The following SEC24D variants were observed in gnomAD, a reference collection of about 807,000 sequenced individuals.
The protein encoded by SEC24D is SEC24 homolog D, COPII component.
SEC24D carries 69 observed loss-of-function variants against 116.9 expected under a neutral mutation model. That is an observed-to-expected ratio of 0.59 (90% CI 0.49 to 0.72). The LOEUF (loss-of-function observed/expected upper bound fraction) is 0.72, where lower values mean the gene tolerates loss of function less well. Among genes scored for constraint, SEC24D ranks in the 30% least tolerant of loss-of-function variants. The pLI is 0.00. For synonymous variants in SEC24D, 405 were observed against 442.8 expected, an observed-to-expected ratio of 0.91 and a Z score of 1.07; for missense variants, 1,131 against 1,264.1, an observed-to-expected ratio of 0.89 and a Z score of 1.60.
intron 1 of SEC24D, among the ~76,000 whole-genome samples, chr4:118,834,054 A>G (rs1162876360): frequency 6.6e-6 from 1 of 152,190 alleles, no homozygotes; most frequent in Non-Finnish European, 1.5e-5. Flanking sequence ...TGTTCCTATG[A>G]TTTTGTGCTT....
chr4:118,808,485 A>G (rs975962183), intron 6 of SEC24D, among the ~76,000 whole-genome samples: 2 of 152,246 alleles, frequency 1.3e-5, no homozygotes, highest in Non-Finnish European at 2.9e-5. Context: ...ATCAGTAGTA[A>G]TTACATTTCT....
intron 8 of SEC24D, among the ~76,000 whole-genome samples, chr4:118,792,552 ATTC>A (rs1439063053): frequency 6.6e-6 from 1 of 152,236 alleles, no homozygotes; most frequent in Non-Finnish European, 1.5e-5. Flanking sequence ...ACTAAGAAAA[ATTC>A]TTCTGCCTTG....
chr4:118,830,656 T>A (rs561334718), intron 2 of SEC24D, among the ~76,000 whole-genome samples: 228 of 151,836 alleles, frequency 1.5e-3, no homozygotes, highest in African/African-American at 2.1e-3. Flanking sequence ...TTTTTTTTTT[T>A]AAAAACAGCC....
At chr4:118,741,548 T>G (rs1726223945) in intron 15 of SEC24D, among the ~76,000 whole-genome samples, 1 of 152,140 alleles carries the variant, frequency 6.6e-6, no homozygotes. Flanking sequence ...TAAGCAACAT[T>G]TATATAATAT....
chr4:118,781,852 C>G (rs1270098778), intron 8 of SEC24D, among the ~76,000 whole-genome samples: 2 of 152,150 alleles, frequency 1.3e-5, no homozygotes, highest in Non-Finnish European at 2.9e-5. Context: ...ATCACTGATA[C>G]CCTTTCTTCC....
At chr4:118,823,662 G>C (rs1730488244) in intron 3 of SEC24D, among the ~76,000 whole-genome samples, 1 of 152,226 alleles carries the variant, frequency 6.6e-6, no homozygotes, top group Non-Finnish European at 1.5e-5. Flanking sequence ...TAACAGGGAA[G>C]GTGTGATACT....
rs1180014287 is a variant in SEC24D at position 118,743,995 on chromosome 4, T to C, written c.1988A>G (p.Asn663Ser). 1.9e-6 allele frequency: 3 copies of C among 1,595,020 alleles called. No homozygotes were observed. In the African/African-American group the frequency reaches 4.1e-5, roughly 22 times the overall value. ...CAAATTGCTGGCATTTACCTGGAAA[T>C]TGTTGTATTTGTAAAGGGTTCCTCC... ...LTGGTLYKYNNFQMHLDRQQF... is the reference protein window; with the variant it reads ...LTGGTLYKYNSFQMHLDRQQF... Residue 663 changes from asparagine (N) to serine (S), a missense_variant, in exon 15 of 23, where the codon AAT (asparagine) becomes AGT (serine). Coordinates refer to ENST00000280551, the MANE Select transcript of SEC24D (RefSeq NM_014822.4).
At chr4:118,757,329 A>G (rs1418039449) in intron 11 of SEC24D, among the ~76,000 whole-genome samples, 1 of 152,228 alleles carries the variant, frequency 6.6e-6, no homozygotes, top group East Asian at 1.9e-4. Flanking sequence ...CATCTCTGCC[A>G]TAAGACAACA....
intron 17 of SEC24D, 117 bp from the exon 18 acceptor site, chr4:118,739,404 AT>A: frequency 1.1e-6 from 1 of 870,706 alleles, no homozygotes; most frequent in Non-Finnish European, 1.7e-6. Context: ...ACCTCTAACT[AT>A]TTTTCCACAG....
At chr4:118,741,901 A>T (rs1419904958) in intron 15 of SEC24D, among the ~76,000 whole-genome samples, 1 of 152,240 alleles carries the variant, frequency 6.6e-6, no homozygotes, top group Non-Finnish European at 1.5e-5. Context: ...ATTGTTGAAG[A>T]TAAGAAAGAA....
At chr4:118,806,611 G>A (rs1729689620) in intron 6 of SEC24D, among the ~76,000 whole-genome samples, 3 of 151,816 alleles carry the variant, frequency 2.0e-5, no homozygotes, top group Non-Finnish European at 4.4e-5. Context: ...GGTGTTACAG[G>A]TGTGAGCCAC....
In SEC24D at chr4:118,731,464, C is replaced by T. The variant is rs550825173; in HGVS notation, c.2720G>A (p.Arg907His). The T allele has an allele frequency of 1.5e-5, 25 of 1,614,104 alleles. No individual in the cohort carries two copies. The highest frequency in any genetic ancestry group is 4.5e-5 in the East Asian group (2 of 44,866). Reference sequence around the variant, plus strand: ...TTCTGAAAGACGGGACTCAGAGCAACGAACGGCAGCAGGTAACATTGTACT... The same window carrying T: ...TTCTGAAAGACGGGACTCAGAGCAATGAACGGCAGCAGGTAACATTGTACT... ...VKSTMLPAAV[R>H]CSESRLSEEG... The change falls in exon 21 of 23, where the codon CGT (arginine) becomes CAT (histidine). Residue 907 changes from arginine to histidine, a missense_variant. Physicochemically the swap from Arg to His is conservative, Grantham distance 29 (BLOSUM62 0). Transcript: ENST00000280551.
In SEC24D at chr4:118,738,442, T is replaced by C; in HGVS notation, c.2378-63A>G. The C allele has an allele frequency of 2.7e-6, 3 of 1,117,378 alleles. No homozygotes were observed. The South Asian group carries it at 3.8e-5, about 14-fold the overall frequency. 69.2% of individuals were successfully genotyped at this position (1,117,378 alleles called of 1,614,324 possible). On this transcript the variant is annotated intron_variant, in intron 18 of 22. Coordinates refer to ENST00000280551, the MANE Select transcript of SEC24D (RefSeq NM_014822.4). ...CTCAGACACTGATCTCTTCAAATAA[T>C]CAAACAAAAAAGAACAAGTTGCTAT... is the stretch of plus-strand genomic sequence containing the variant.
At chr4:118,777,092 A>ATTAT (rs70944813) in intron 8 of SEC24D, among the ~76,000 whole-genome samples, 6,576 of 148,586 alleles carry the variant, frequency 0.044, 170 homozygotes, top group Middle Eastern at 0.069. Flanking sequence ...GAAGGTCTGA[A>ATTAT]TTATTTATTT....
chr4:118,777,739 C>T (rs1404768231), intron 8 of SEC24D, among the ~76,000 whole-genome samples: 11 of 152,134 alleles, frequency 7.2e-5, no homozygotes, highest in Admixed American at 5.9e-4. Context: ...AGTGTAAAAG[C>T]ATTCCTATTT....
At chr4:118,815,823 A>T in intron 4 of SEC24D, 97 bp from the exon 5 acceptor site, 1 of 1,340,686 alleles carries the variant, frequency 7.5e-7, no homozygotes, top group Non-Finnish European at 1.0e-6. Context: ...TTCCTGACAT[A>T]AAGCAAGAGG....
At chr4:118,764,366 C>G (rs1727534406) in intron 10 of SEC24D, 1 of 155,170 alleles carries the variant, frequency 6.4e-6, no homozygotes, top group African/African-American at 2.4e-5. Context: ...AGAGTCCAAA[C>G]CATCGTGGTA....
chr4:118,725,862 A>G (rs1245195015), intron 22 of SEC24D, among the ~76,000 whole-genome samples: 1 of 152,190 alleles, frequency 6.6e-6, no homozygotes, highest in African/African-American at 2.4e-5. Context: ...GCCTGTCTTG[A>G]CACAGTGATG....
At chr4:118,767,204 G>A (rs1243332052) in intron 9 of SEC24D, among the ~76,000 whole-genome samples, 4 of 152,190 alleles carry the variant, frequency 2.6e-5, no homozygotes, top group African/African-American at 7.2e-5. Context: ...GTGTGTGTGC[G>A]AGATAAGGTG....
Sources: allele counts gnomAD v4.1 joint callset (sites outside exome capture counted in the v4.1 genomes callset), GRCh38; gene constraint gnomAD v4.1.1; transcripts MANE v1.5; gene names NCBI Gene and HGNC (gene_info 2026-07-23, HGNC 2026-07-21).